Variants in KIAA1217 observed in about 807,000 individuals in gnomAD.
The protein encoded by KIAA1217 is sickle tail protein homolog.
In KIAA1217, 88 loss-of-function variants were observed where a neutral mutation model predicts 163.9. The observed-to-expected ratio is 0.54, with a 90% confidence interval of 0.45 to 0.64. KIAA1217 has a LOEUF of 0.64. Ranked by LOEUF, KIAA1217 falls within the 30% of genes least tolerant of loss-of-function variation. KIAA1217 has a pLI of 0.00. For synonymous variants in KIAA1217, 903 were observed against 923.1 expected (o/e 0.98, Z 0.39); for missense variants, 2,372 against 2,475.0 (o/e 0.96, Z 0.88).
intron 3 of KIAA1217, among the ~76,000 whole-genome samples, chr10:24,381,393 T>C (rs2053280189): frequency 6.6e-6 from 1 of 152,160 alleles, no homozygotes; most frequent in Non-Finnish European, 1.5e-5. Context: ...CCAGTACCAG[T>C]CTGTGGCCTG....
chr10:23,994,390 C>T (rs576139686), intron 1 of KIAA1217, among the ~76,000 whole-genome samples: 101 of 152,270 alleles, frequency 6.6e-4, no homozygotes, highest in African/African-American at 2.3e-3. Context: ...TCAGGACAGT[C>T]CCACAGCCCA....
At chr10:24,025,858 T>C (rs572590295) in intron 2 of KIAA1217, among the ~76,000 whole-genome samples, 1 of 151,974 alleles carries the variant, frequency 6.6e-6, no homozygotes, top group African/African-American at 2.4e-5. Flanking sequence ...TTACCTCATC[T>C]TCCGTGACCT....
intron 1 of KIAA1217, among the ~76,000 whole-genome samples, chr10:23,835,779 C>T (rs377648904): frequency 9.2e-5 from 14 of 152,072 alleles, no homozygotes; most frequent in South Asian, 2.1e-4. Flanking sequence ...GCCAAGTTGG[C>T]GGTGAAATTG....
chr10:24,532,106 C>T (rs2073213110), intron 15 of KIAA1217, 113 bp downstream of exon 15: 3 of 953,938 alleles, frequency 3.1e-6, no homozygotes, highest in Non-Finnish European at 2.8e-6. Flanking sequence ...AGTAACTCGA[C>T]CACACAAGAT....
chr10:23,948,382 G>A (rs966995497), intron 1 of KIAA1217, among the ~76,000 whole-genome samples: 1 of 152,154 alleles, frequency 6.6e-6, no homozygotes, highest in East Asian at 1.9e-4. Flanking sequence ...GCTTACCAGG[G>A]TTTCAAATTT....
intron 1 of KIAA1217, among the ~76,000 whole-genome samples, chr10:23,765,465 G>T (rs910759653): frequency 1.3e-5 from 2 of 151,994 alleles, no homozygotes; most frequent in African/African-American, 2.4e-5. Context: ...GAGCCACCAC[G>T]CCCGGTCTTT....
intron 2 of KIAA1217, among the ~76,000 whole-genome samples, chr10:24,326,301 T>G (rs1345396181): frequency 6.6e-6 from 1 of 152,080 alleles, no homozygotes; most frequent in Non-Finnish European, 1.5e-5. Context: ...ATTAACACCT[T>G]ATAGAAAAAA....
At chr10:24,060,147 GA>G (rs142305201) in intron 2 of KIAA1217, among the ~76,000 whole-genome samples, 3,591 of 151,760 alleles carry the variant, frequency 0.024, 147 homozygotes, top group African/African-American at 0.081. Context: ...TAATCTCATT[GA>G]TTTTTTTTCC....
At chr10:24,164,344 A>G (rs1465021265) in intron 2 of KIAA1217, among the ~76,000 whole-genome samples, 3 of 152,234 alleles carry the variant, frequency 2.0e-5, no homozygotes, top group East Asian at 3.9e-4. Flanking sequence ...CTTAAGTGAC[A>G]TCCTCTCCCC....
chr10:24,051,727 G>A (rs553606675), intron 2 of KIAA1217, among the ~76,000 whole-genome samples: 8 of 152,144 alleles, frequency 5.3e-5, no homozygotes, highest in South Asian at 2.1e-4. Context: ...TTTTTCATGC[G>A]TTTGTTGGTT....
chr10:23,839,656 A>G (rs1034649136), intron 1 of KIAA1217, among the ~76,000 whole-genome samples: 1 of 152,146 alleles, frequency 6.6e-6, no homozygotes, highest in African/African-American at 2.4e-5. Flanking sequence ...AGAGGAATTT[A>G]TTTTAGATTC....
intron 16 of KIAA1217, among the ~76,000 whole-genome samples, chr10:24,534,811 G>A (rs951809076): frequency 6.6e-6 from 1 of 150,936 alleles, no homozygotes; most frequent in South Asian, 2.1e-4. Context: ...GACCCGGGAG[G>A]TGGAAGTTGC....
At chr10:24,110,462 T>C (rs552419411) in intron 2 of KIAA1217, among the ~76,000 whole-genome samples, 1 of 152,330 alleles carries the variant, frequency 6.6e-6, no homozygotes, top group Non-Finnish European at 1.5e-5. Flanking sequence ...GTATTTGGCA[T>C]CCCTTGAGTG....
At chr10:24,331,962 G>A (rs2045736986) in intron 2 of KIAA1217, among the ~76,000 whole-genome samples, 1 of 152,178 alleles carries the variant, frequency 6.6e-6, no homozygotes, top group Non-Finnish European at 1.5e-5. Context: ...ACCATGCCCA[G>A]CTGATGTTTT....
intron 3 of KIAA1217, among the ~76,000 whole-genome samples, chr10:24,384,221 A>C (rs1472130551): frequency 6.6e-6 from 1 of 152,194 alleles, no homozygotes; most frequent in Non-Finnish European, 1.5e-5. Context: ...ATAGAGTTTT[A>C]AGTTCTCTCA....
rs534631380 is a variant in KIAA1217, at chr10:23,758,598, T to C, written c.-321+63364T>C. ...TTTTCCTTTTCTTGATTTTCTCTCT[T>C]TTCTTTTCTCTTTCTTTCTTTCTTA... is the stretch of plus-strand genomic sequence containing the variant. On this transcript the variant is annotated intron_variant, in intron 1 of 18. Transcript: ENST00000376462. Among the ~76,000 whole-genome samples, 28 of 150,994 alleles carry C rather than the reference T, an allele frequency of 1.9e-4. 1 individual carries two copies. In the South Asian group the frequency reaches 5.1e-3, roughly 27 times the overall value.
chr10:24,430,217 T>C (rs1564663651), intron 3 of KIAA1217, among the ~76,000 whole-genome samples: 1 of 152,200 alleles, frequency 6.6e-6, no homozygotes, highest in African/African-American at 2.4e-5. Context: ...GACCCTCCAG[T>C]GTCCTGACTA....
At chr10:24,017,589 A>G (rs1847542336) in intron 2 of KIAA1217, among the ~76,000 whole-genome samples, 1 of 152,136 alleles carries the variant, frequency 6.6e-6, no homozygotes. Flanking sequence ...AACACAGTAT[A>G]CTCAACTTTA....
chr10:24,513,506 C>G lies in KIAA1217; in HGVS notation c.2177+72C>G, dbSNP rs1014216138. 4.1e-6 allele frequency: 6 copies of G among 1,473,618 alleles called. No individual in the cohort carries two copies. In the African/African-American group the frequency reaches 7.0e-5, roughly 17 times the overall value. The allele number at this position is 1,473,618 out of a possible 1,614,324, so 91.3% of individuals were successfully genotyped here. A position where few individuals can be genotyped will look rare whatever the true frequency, so the allele number is the denominator to read the frequency against. On this transcript the variant is annotated intron_variant, in intron 10 of 20. Transcript: ENST00000376454. ...AAATTATCATTACTAAGAAGGAGGT[C>G]CTTCCCAGTTGGTGGTCTTGCCCTC...
Sources: allele counts gnomAD v4.1 joint callset (sites outside exome capture counted in the v4.1 genomes callset), GRCh38; gene constraint gnomAD v4.1.1; transcripts MANE v1.5; gene names NCBI Gene and HGNC (gene_info 2026-07-23, HGNC 2026-07-21).